The following SNX25 variants were observed in gnomAD, a reference collection of about 807,000 sequenced individuals.
SNX25 encodes the protein sorting nexin 25, also known as sorting nexin-25.
A neutral mutation model predicts 113.7 loss-of-function variants in SNX25; 62 were observed. That is an observed-to-expected ratio of 0.55 (90% CI 0.44 to 0.67). The LOEUF is 0.67. SNX25 is among the 30% of genes least tolerant of loss of function. The probability of loss-of-function intolerance (pLI) is 0.00; values close to 1 mark genes in which losing one functional copy is unlikely to be tolerated. For synonymous variants in SNX25, 421 were observed against 436.2 expected, an observed-to-expected ratio of 0.97 and a Z score of 0.43; for missense variants, 1,014 against 1,161.0, an observed-to-expected ratio of 0.87 and a Z score of 1.84.
chr4:185,278,875 T>A (rs936458219), intron 5 of SNX25, among the ~76,000 whole-genome samples: 4 of 152,096 alleles, frequency 2.6e-5, no homozygotes, highest in Non-Finnish European at 5.9e-5. Context: ...TGAGGAACAG[T>A]AGTAGAAAAT....
chr4:185,281,273 C>A (rs1750525927), intron 5 of SNX25, among the ~76,000 whole-genome samples: 1 of 152,106 alleles, frequency 6.6e-6, no homozygotes, highest in Admixed American at 6.6e-5. Context: ...TAGTACATAT[C>A]TAAAGACTCA....
chr4:185,305,881 G>A (rs897192980), intron 6 of SNX25, among the ~76,000 whole-genome samples: 5 of 152,232 alleles, frequency 3.3e-5, no homozygotes, highest in African/African-American at 1.2e-4. Flanking sequence ...GGCGAAACCC[G>A]TGATTACTTT....
At chr4:185,373,844 G>C (rs3797029), downstream of SNX25, among the ~76,000 whole-genome samples, 3 of 152,134 alleles carry the variant, frequency 2.0e-5, no homozygotes, top group South Asian at 6.2e-4. Context: ...ATATTCATCT[G>C]TTCATGCTTA....
chr4:185,369,641 G>A, intron 11 of SNX25: 2 of 349,720 alleles, frequency 5.7e-6, no homozygotes, highest in Admixed American at 4.0e-5. Context: ...GCATTTGGCT[G>A]TGTGCTATGT....
chr4:185,344,740 G>A (rs1371971860), intron 12 of SNX25, among the ~76,000 whole-genome samples: 4 of 152,180 alleles, frequency 2.6e-5, no homozygotes, highest in Non-Finnish European at 5.9e-5. Flanking sequence ...TTCTATGAAT[G>A]AAATGTGTCT....
intron 6 of SNX25, among the ~76,000 whole-genome samples, chr4:185,289,525 C>T (rs114353886): frequency 2.6e-3 from 392 of 152,268 alleles, no homozygotes; most frequent in Non-Finnish European, 4.0e-3. Context: ...AAGCCAAACA[C>T]GAGCTCAGAG....
chr4:185,309,523 T>C (rs1271416591), intron 6 of SNX25, among the ~76,000 whole-genome samples: 1 of 152,210 alleles, frequency 6.6e-6, no homozygotes, highest in African/African-American at 2.4e-5. Context: ...TCTCCAGTGT[T>C]TCTAGCTTAG....
chr4:185,347,201 A>C (rs905374892), intron 13 of SNX25, among the ~76,000 whole-genome samples: 1 of 152,188 alleles, frequency 6.6e-6, no homozygotes, highest in African/African-American at 2.4e-5. Context: ...TTCCACTCTG[A>C]GGCTTTTACA....
At chr4:185,281,445 T>A (rs963672671) in intron 5 of SNX25, among the ~76,000 whole-genome samples, 3 of 152,212 alleles carry the variant, frequency 2.0e-5, no homozygotes, top group Admixed American at 1.3e-4. Flanking sequence ...GATGATGCTT[T>A]AGTTTTAGAA....
chr4:185,364,726 T>C (rs2095380397), downstream of SNX25: 1 of 152,198 alleles, frequency 6.6e-6, no homozygotes, highest in Non-Finnish European at 1.5e-5. Context: ...AAGTTGGCTA[T>C]TGATAAAAAT....
At chr4:185,216,645 G>T (rs1053863417) in intron 1 of SNX25, among the ~76,000 whole-genome samples, 1 of 148,684 alleles carries the variant, frequency 6.7e-6, no homozygotes, top group Non-Finnish European at 1.5e-5. Context: ...TCAGCCTCCC[G>T]AGTCACTGGG....
chr4:185,375,318 G>A, the SNX25 span, among the ~76,000 whole-genome samples: 7 of 148,664 alleles, frequency 4.7e-5, no homozygotes, highest in Admixed American at 6.7e-5. Flanking sequence ...TTAGCCAGGC[G>A]TGGTGGCAGT....
chr4:185,280,781 T>C (rs569079982), intron 5 of SNX25, among the ~76,000 whole-genome samples: 75 of 152,272 alleles, frequency 4.9e-4, no homozygotes, highest in African/African-American at 1.7e-3. Flanking sequence ...TTTGGAATTA[T>C]GTCAGTAAGA....
chr4:185,274,621 GC>G (rs1401105771), intron 5 of SNX25, among the ~76,000 whole-genome samples: 3 of 152,192 alleles, frequency 2.0e-5, no homozygotes, highest in Non-Finnish European at 4.4e-5. Context: ...TGAGAAACAT[GC>G]AGCTTTCCTG....
At chr4:185,374,392 C>T, downstream of SNX25, 3 of 1,614,126 alleles carry the variant, frequency 1.9e-6, no homozygotes, top group Non-Finnish European at 2.5e-6. Flanking sequence ...TAAGCAGCTG[C>T]AAATTTTAAG....
At chr4:185,240,083 G>A (rs1219376436) in intron 1 of SNX25, among the ~76,000 whole-genome samples, 5 of 151,752 alleles carry the variant, frequency 3.3e-5, no homozygotes, top group East Asian at 3.9e-4. Flanking sequence ...AGGGTTGGGG[G>A]TAAGGTCATA....
intron 15 of SNX25, among the ~76,000 whole-genome samples, chr4:185,354,545 G>A (rs1351541210): frequency 6.6e-6 from 1 of 152,182 alleles, no homozygotes; most frequent in Non-Finnish European, 1.5e-5. Context: ...TGCCCCCAAT[G>A]ACAGTAATGC....
chr4:185,247,525 A>AATAC (rs1448276068), intron 2 of SNX25, 147 bp downstream of exon 2: 1 of 677,522 alleles, frequency 1.5e-6, no homozygotes, highest in Non-Finnish European at 2.6e-6. Flanking sequence ...TTGATGACTA[A>AATAC]ATACATCCAT....
chr4:185,271,016 G>A (rs1748850198), intron 5 of SNX25, among the ~76,000 whole-genome samples: 1 of 152,188 alleles, frequency 6.6e-6, no homozygotes. Context: ...CTGTTTACAA[G>A]TGAGAGTAAA....
Sources: allele counts gnomAD v4.1 joint callset (sites outside exome capture counted in the v4.1 genomes callset), GRCh38; gene constraint gnomAD v4.1.1; transcripts MANE v1.5; gene names NCBI Gene and HGNC (gene_info 2026-07-23, HGNC 2026-07-21).